TC2N: variants seen among roughly 807,000 people sequenced by gnomAD.
TC2N encodes tandem C2 domains, nuclear, also known as tandem C2 domains nuclear protein.
A neutral mutation model predicts 61.9 loss-of-function variants in TC2N; 51 were observed. The ratio of observed to expected loss-of-function variants is 0.82; its 90% confidence interval spans 0.66 to 1.04. The LOEUF is 1.04. Among genes scored for constraint, TC2N ranks in the 50% least tolerant of loss-of-function variants. The probability of loss-of-function intolerance (pLI) is 0.00; values close to 1 mark genes in which losing one functional copy is unlikely to be tolerated. For missense variants in TC2N, 556 were observed against 566.7 expected (o/e 0.98, Z 0.19); for synonymous variants, 204 against 192.6 (o/e 1.06, Z -0.49).
At chr14:91,827,034 T>C (rs944475097) in intron 1 of TC2N, among the ~76,000 whole-genome samples, 9 of 152,236 alleles carry the variant, frequency 5.9e-5, no homozygotes, top group Non-Finnish European at 1.3e-4. Context: ...TCTTTGTCTT[T>C]TGACTGTAAT....
At chr14:91,804,182 A>T (rs528035547) in intron 3 of TC2N, among the ~76,000 whole-genome samples, 31 of 152,354 alleles carry the variant, frequency 2.0e-4, no homozygotes, top group African/African-American at 7.2e-4. Context: ...AAAAAGACGG[A>T]CAATAGTACG....
At chr14:91,824,486 A>G (rs1049032075) in intron 1 of TC2N, among the ~76,000 whole-genome samples, 1 of 152,162 alleles carries the variant, frequency 6.6e-6, no homozygotes. Flanking sequence ...CAGTGCCACT[A>G]TCCAGCTAAT....
At chr14:91,850,193 A>AG (rs1282892868) in intron 1 of TC2N, among the ~76,000 whole-genome samples, 3 of 150,680 alleles carry the variant, frequency 2.0e-5, no homozygotes, top group Non-Finnish European at 1.5e-5. Context: ...AAAAAAAAAA[A>AG]GGGATAATTA....
Position 91,851,234 on chromosome 14 carries a change from A to T in TC2N, c.-57+16028T>A, listed in dbSNP as rs1014537655. 4.6e-5 allele frequency among the ~76,000 whole-genome samples: 7 copies of T among 152,220 alleles called. No individual in the cohort carries two copies. In the East Asian group the frequency reaches 1.3e-3, roughly 29 times the overall value. On this transcript the variant is annotated intron_variant, in intron 1 of 11. Coordinates refer to ENST00000435962, the MANE Select transcript of TC2N (RefSeq NM_001128596.3). ...TTGGGGACCACTGTTCTGAAGGACT[A>T]TTTAAATGCGAATTATATAATGAAG...
intron 8 of TC2N, among the ~76,000 whole-genome samples, chr14:91,793,952 T>G (rs1011175915): frequency 1.3e-5 from 2 of 152,146 alleles, no homozygotes; most frequent in Non-Finnish European, 2.9e-5. Flanking sequence ...TTAGTCAAGT[T>G]GTGAATGCAA....
chr14:91,821,733 T>C, intron 1 of TC2N, among the ~76,000 whole-genome samples: 1 of 152,236 alleles, frequency 6.6e-6, no homozygotes, highest in Non-Finnish European at 1.5e-5. Context: ...TGAGAGAAGA[T>C]ATTTGCATAT....
intron 1 of TC2N, among the ~76,000 whole-genome samples, chr14:91,829,579 T>G (rs1887656535): frequency 6.6e-6 from 1 of 152,152 alleles, no homozygotes; most frequent in Admixed American, 6.5e-5. Context: ...TCCTGATCTC[T>G]GAACATATCT....
At chr14:91,820,729 C>T (rs1356608468) in intron 1 of TC2N, among the ~76,000 whole-genome samples, 2 of 151,422 alleles carry the variant, frequency 1.3e-5, no homozygotes, top group East Asian at 3.9e-4. Context: ...AAGAAATTCA[C>T]TAACAAACTT....
intron 4 of TC2N, among the ~76,000 whole-genome samples, chr14:91,801,924 A>T (rs1317651108): frequency 6.6e-6 from 1 of 152,162 alleles, no homozygotes; most frequent in Non-Finnish European, 1.5e-5. Context: ...AACACCTAAT[A>T]TCCACTCTCT....
chr14:91,843,343 T>C (rs1888200872), intron 1 of TC2N, among the ~76,000 whole-genome samples: 2 of 152,140 alleles, frequency 1.3e-5, no homozygotes, highest in South Asian at 4.2e-4. Context: ...GACCCCAGAG[T>C]TCCAGACCAA....
At chr14:91,810,893 T>C (rs974087719) in intron 3 of TC2N, among the ~76,000 whole-genome samples, 1 of 149,726 alleles carries the variant, frequency 6.7e-6, no homozygotes, top group Non-Finnish European at 1.5e-5. Flanking sequence ...CAGAGACCCA[T>C]AGAACAATAT....
chr14:91,780,153 C>T lies in TC2N; in HGVS notation c.*2947G>A, dbSNP rs534427944. ...TATCAGGTATTTTCCTCATTACACC[C>T]AACCAAACACAGAAAGAAATATATA... On this transcript the variant is annotated 3_prime_UTR_variant, in exon 12 of 12. Coordinates refer to ENST00000435962, the MANE Select transcript of TC2N (RefSeq NM_001128596.3). 33 of 152,278 alleles carry T rather than the reference C, an allele frequency of 2.2e-4. No individual in the cohort carries two copies. Among genetic ancestry groups the T allele is most frequent in the African/African-American group, 7.9e-4 (33 of 41,540 alleles). 9.4% of individuals were successfully genotyped at this position (152,278 alleles called of 1,614,324 possible).
At chr14:91,792,767 C>T (rs1885723297) in intron 8 of TC2N, among the ~76,000 whole-genome samples, 1 of 152,092 alleles carries the variant, frequency 6.6e-6, no homozygotes, top group African/African-American at 2.4e-5. Flanking sequence ...CACAAATCAT[C>T]CTTTAAATTA....
intron 3 of TC2N, among the ~76,000 whole-genome samples, chr14:91,803,024 T>C (rs908291199): frequency 6.6e-6 from 1 of 152,126 alleles, no homozygotes; most frequent in Non-Finnish European, 1.5e-5. Flanking sequence ...AATATAATAT[T>C]GGTAAGTGAT....
At chr14:91,788,319 T>C (rs1371078220) in intron 9 of TC2N, among the ~76,000 whole-genome samples, 2 of 152,222 alleles carry the variant, frequency 1.3e-5, no homozygotes, top group Non-Finnish European at 2.9e-5. Flanking sequence ...GTTGGTTATT[T>C]GTCTGTGAAA....
At chr14:91,857,248 A>G (rs567024763) in intron 1 of TC2N, among the ~76,000 whole-genome samples, 1 of 152,366 alleles carries the variant, frequency 6.6e-6, no homozygotes, top group African/African-American at 2.4e-5. Context: ...GTACACCCAT[A>G]GTGTATTTCC....
chr14:91,861,029 G>A (rs1185515978), intron 1 of TC2N, among the ~76,000 whole-genome samples: 7 of 152,200 alleles, frequency 4.6e-5, no homozygotes, highest in East Asian at 1.9e-4. Context: ...ATGAAGAACA[G>A]AAGCATCATG....
chr14:91,850,073 G>T (rs1013666135), intron 1 of TC2N, among the ~76,000 whole-genome samples: 3 of 150,586 alleles, frequency 2.0e-5, no homozygotes, highest in Non-Finnish European at 4.4e-5. Flanking sequence ...AAAAGATTGG[G>T]TTTAAAAAAT....
At chr14:91,816,909 C>G (rs988288139) in intron 1 of TC2N, among the ~76,000 whole-genome samples, 3 of 151,768 alleles carry the variant, frequency 2.0e-5, no homozygotes, top group Admixed American at 1.3e-4. Context: ...TCATTTTAAT[C>G]TTAAATTCTT....
Sources: gnomAD v4.1 joint callset for allele counts (sites outside exome capture counted in the v4.1 genomes callset) on GRCh38, gnomAD v4.1.1 for gene constraint, MANE v1.5 for transcripts, NCBI Gene and HGNC (gene_info 2026-07-23, HGNC 2026-07-21) for gene names.